The following GLCE variants were observed in gnomAD, a reference collection of about 807,000 sequenced individuals.
GLCE encodes the protein glucuronic acid epimerase, also known as D-glucuronyl C5-epimerase.
GLCE carries 19 observed loss-of-function variants against 47.9 expected under a neutral mutation model. The observed-to-expected ratio is 0.40, with a 90% CI of 0.28 to 0.58. GLCE has a LOEUF of 0.58. Among genes scored for constraint, GLCE ranks in the 20% least tolerant of loss-of-function variants. The pLI is 0.48. For synonymous variants in GLCE, 245 were observed against 263.4 expected (o/e 0.93, Z 0.68); for missense variants, 556 against 743.3 (o/e 0.75, Z 2.93).
At chr15:69,258,548 A>G (rs2052966948) in intron 3 of GLCE, among the ~76,000 whole-genome samples, 1 of 152,100 alleles carries the variant, frequency 6.6e-6, no homozygotes, top group Non-Finnish European at 1.5e-5. Context: ...CACTTAGGTC[A>G]TTTCCAGGTT....
At chr15:69,210,131 C>T (rs2052210921) in intron 1 of GLCE, among the ~76,000 whole-genome samples, 185 bp from the exon 2 acceptor site, 2 of 152,068 alleles carry the variant, frequency 1.3e-5, no homozygotes, top group South Asian at 4.1e-4. Flanking sequence ...CCTGTGGTTG[C>T]TTCAGTGGTA....
At position 69,268,212 on chromosome 15, in the gene GLCE, C is replaced by T. The variant is rs2053112352; in HGVS notation, c.830-8C>T. The T allele has an allele frequency of 6.4e-7, 1 of 1,561,404 alleles. No homozygotes were observed. The highest frequency in any genetic ancestry group is 8.7e-7 in the Non-Finnish European group (1 of 1,150,000). The stretch of plus-strand genomic sequence containing the variant: ...AACCAGTCTTTGTTGGTATATTCTC[C>T]CCTACAGAAACCAGTGAAGGTGTAT... On this transcript the variant is annotated splice_polypyrimidine_tract_variant and splice_region_variant and intron_variant, in intron 4 of 4. Coordinates refer to ENST00000261858, the MANE Select transcript of GLCE (RefSeq NM_015554.3).
intron 2 of GLCE, among the ~76,000 whole-genome samples, chr15:69,215,126 T>C (rs2052287099): frequency 6.6e-6 from 1 of 152,184 alleles, no homozygotes; most frequent in African/African-American, 2.4e-5. Flanking sequence ...TGTTGTAGTT[T>C]TGTGGATTTT....
intron 3 of GLCE, among the ~76,000 whole-genome samples, chr15:69,257,720 A>G (rs1306139910): frequency 1.3e-5 from 2 of 152,002 alleles, no homozygotes; most frequent in Admixed American, 6.6e-5. Flanking sequence ...TATAATTATT[A>G]TTATTTTTAT....
In GLCE at chr15:69,236,155, C is replaced by CAGTTT. The variant is rs1334302376; in HGVS notation, c.-13-19637_-13-19633dup. On this transcript the variant is annotated intron_variant, in intron 2 of 4. Coordinates refer to ENST00000261858, the MANE Select transcript of GLCE (RefSeq NM_015554.3). ...TGTGTTCCATTGTATGGATGAACCA[C>CAGTTT]AGTTTATCCAGTCACCATTTGGTGG... 3.3e-5 allele frequency among the ~76,000 whole-genome samples: 5 copies of CAGTTT among 152,150 alleles called. No homozygotes were observed. In the South Asian group the frequency reaches 8.3e-4, roughly 25 times the overall value.
At chr15:69,247,117 T>G (rs1321627381) in intron 2 of GLCE, among the ~76,000 whole-genome samples, 2 of 152,252 alleles carry the variant, frequency 1.3e-5, no homozygotes, top group African/African-American at 4.8e-5. Context: ...GCTGGTGCTT[T>G]GAAGCCAGGC....
At chr15:69,163,832 A>G (rs1007567726) in intron 1 of GLCE, among the ~76,000 whole-genome samples, 1 of 152,216 alleles carries the variant, frequency 6.6e-6, no homozygotes, top group African/African-American at 2.4e-5. Context: ...TACAGTATTT[A>G]TAAGGCTTTT....
At chr15:69,200,169 C>T (rs1396230701) in intron 1 of GLCE, among the ~76,000 whole-genome samples, 1 of 152,050 alleles carries the variant, frequency 6.6e-6, no homozygotes, top group Non-Finnish European at 1.5e-5. Flanking sequence ...TTCGTGCCAT[C>T]TGTGTTGTGG....
chr15:69,249,478 G>A (rs1431676339), intron 2 of GLCE, among the ~76,000 whole-genome samples: 2 of 152,102 alleles, frequency 1.3e-5, no homozygotes, highest in African/African-American at 4.8e-5. Context: ...TATTTGTTGA[G>A]CAATTACTAT....
intron 1 of GLCE, among the ~76,000 whole-genome samples, chr15:69,183,945 A>G (rs1318218748): frequency 6.6e-6 from 1 of 152,362 alleles, no homozygotes; most frequent in Non-Finnish European, 1.5e-5. Flanking sequence ...GACTTTAACT[A>G]GTAGAACCAG....
chr15:69,169,881 A>G (rs1238445798), intron 1 of GLCE, among the ~76,000 whole-genome samples: 1 of 152,178 alleles, frequency 6.6e-6, no homozygotes, highest in Admixed American at 6.5e-5. Flanking sequence ...TTAAGCTCAC[A>G]TGGTTCCTCT....
intron 2 of GLCE, among the ~76,000 whole-genome samples, chr15:69,212,183 T>C (rs908503067): frequency 2.0e-5 from 3 of 151,778 alleles, no homozygotes; most frequent in Non-Finnish European, 2.9e-5. Flanking sequence ...ATTTGTATAC[T>C]AAGACTTAGG....
At chr15:69,259,081 G>GT (rs1237788395) in intron 3 of GLCE, among the ~76,000 whole-genome samples, 2 of 152,082 alleles carry the variant, frequency 1.3e-5, no homozygotes. Context: ...ATGGACCATT[G>GT]TTTTTTTGTC....
At chr15:69,215,636 C>T in intron 2 of GLCE, among the ~76,000 whole-genome samples, 1 of 148,872 alleles carries the variant, frequency 6.7e-6, no homozygotes, top group Non-Finnish European at 1.5e-5. Context: ...TGGGCCTTAT[C>T]TTAAGTGTAT....
At chr15:69,254,601 A>G (rs1466675601) in intron 2 of GLCE, among the ~76,000 whole-genome samples, 1 of 152,176 alleles carries the variant, frequency 6.6e-6, no homozygotes, top group Admixed American at 6.5e-5. Flanking sequence ...GTATAATTTG[A>G]AGGTAGAACC....
At chr15:69,222,368 C>G (rs1282884378) in intron 2 of GLCE, among the ~76,000 whole-genome samples, 1 of 152,152 alleles carries the variant, frequency 6.6e-6, no homozygotes, top group Non-Finnish European at 1.5e-5. Flanking sequence ...AGTGCTCCAG[C>G]AGGGTAGTTG....
intron 2 of GLCE, among the ~76,000 whole-genome samples, chr15:69,236,622 C>T (rs995210254): frequency 4.6e-5 from 7 of 152,036 alleles, no homozygotes; most frequent in East Asian, 1.9e-4. Context: ...AACTAGTAAC[C>T]GCTCTAAAAG....
Position 69,256,409 on chromosome 15 carries a change from T to C in GLCE, c.586+17T>C, listed in dbSNP as rs762829511. The C allele has an allele frequency of 8.0e-6, 12 of 1,505,188 alleles. No homozygotes were observed. The Middle Eastern group carries it at 5.1e-4, about 64-fold the overall frequency. 93.2% of individuals were successfully genotyped at this position (1,505,188 alleles called of 1,614,324 possible). Reference sequence around the variant, plus strand: ...GGGTTGAAGGTTGGTATCTGTCTGCTTCACTTGCATTTTTCAAGCATGATT... The same window carrying C: ...GGGTTGAAGGTTGGTATCTGTCTGCCTCACTTGCATTTTTCAAGCATGATT... On this transcript the variant is annotated intron_variant, in intron 3 of 4. Coordinates refer to ENST00000261858, the MANE Select transcript of GLCE (RefSeq NM_015554.3).
chr15:69,214,597 C>T (rs960480031), intron 2 of GLCE, among the ~76,000 whole-genome samples: 19 of 152,092 alleles, frequency 1.2e-4, no homozygotes, highest in Non-Finnish European at 2.2e-4. Flanking sequence ...AGTGTGAAAA[C>T]GGACGAATTA....
Sources: allele counts gnomAD v4.1 joint callset (sites outside exome capture counted in the v4.1 genomes callset), GRCh38; gene constraint gnomAD v4.1.1; transcripts MANE v1.5; gene names NCBI Gene and HGNC (gene_info 2026-07-23, HGNC 2026-07-21).